Variants in ABCC1 observed in about 807,000 individuals in gnomAD.
The protein encoded by ABCC1 is multidrug resistance-associated protein 1.
Under a neutral mutation model 172.9 loss-of-function variants are expected in ABCC1, and 83 were observed. The observed-to-expected ratio is 0.48, with a 90% confidence interval of 0.40 to 0.58. The LOEUF (loss-of-function observed/expected upper bound fraction) is 0.58. Ranked by LOEUF, ABCC1 falls within the 20% of genes least tolerant of loss-of-function variation. ABCC1 has a pLI of 0.00. For missense variants in ABCC1, 1,817 were observed against 2,002.7 expected (o/e 0.91, Z 1.77); for synonymous variants, 937 against 825.2 (o/e 1.14, Z -2.32).
intron 19 of ABCC1, among the ~76,000 whole-genome samples, chr16:16,092,711 C>T (rs538842566): frequency 6.6e-6 from 1 of 152,092 alleles, no homozygotes; most frequent in Admixed American, 6.6e-5. Flanking sequence ...AGTTGGTGGC[C>T]GGGTGTGGTG....
At chr16:16,104,234 A>G (rs2152065047) in intron 20 of ABCC1, among the ~76,000 whole-genome samples, 1 of 152,280 alleles carries the variant, frequency 6.6e-6, no homozygotes, top group African/African-American at 2.4e-5. Flanking sequence ...GTAGGTGGCC[A>G]CTGCTGGCTC....
At chr16:16,039,069 C>G (rs2048864395) in intron 7 of ABCC1, among the ~76,000 whole-genome samples, 1 of 152,062 alleles carries the variant, frequency 6.6e-6, no homozygotes, top group East Asian at 1.9e-4. Context: ...GAGACACACT[C>G]TAGTTGGGTG....
At chr16:16,036,436 C>G in intron 6 of ABCC1, 36 bp from the exon 7 acceptor site, 1 of 1,590,694 alleles carries the variant, frequency 6.3e-7, no homozygotes, top group Non-Finnish European at 8.6e-7. Context: ...CTGTCATTGA[C>G]TCTCATTGCC....
intron 16 of ABCC1, among the ~76,000 whole-genome samples, chr16:16,082,363 G>T (rs1426985738): frequency 6.6e-6 from 1 of 152,024 alleles, no homozygotes; most frequent in African/African-American, 2.4e-5. Context: ...CAGGAGGATT[G>T]CTTGAGGCCA....
intron 23 of ABCC1, among the ~76,000 whole-genome samples, chr16:16,118,351 G>A (rs1483340335): frequency 1.3e-5 from 2 of 150,678 alleles, no homozygotes; most frequent in Admixed American, 6.6e-5. Context: ...TGATGAGAAC[G>A]AACAGTGATG....
At position 16,134,493 on chromosome 16, in the gene ABCC1, C is replaced by T. The variant is rs1393227080; in HGVS notation, c.4110C>T (p.Ile1370=). The T allele has an allele frequency of 1.2e-6, 2 of 1,614,072 alleles. No individual in the cohort carries two copies. The highest frequency in any genetic ancestry group is 1.7e-6 in the Non-Finnish European group (2 of 1,180,050). Residue 1370 remains isoleucine (I), a synonymous_variant, in exon 28 of 31, where the codon ATC becomes ATT. Coordinates refer to ENST00000399410, the MANE Select transcript of ABCC1 (RefSeq NM_004996.4). ...GCCTGCACGACCTCCGCTTCAAGAT[C>T]ACCATCATCCCCCAGGTGGGGTCTG... is the stretch of plus-strand genomic sequence containing the variant. ...KIGLHDLRFK[I]TIIPQDPVLF...
intron 24 of ABCC1, among the ~76,000 whole-genome samples, chr16:16,124,337 G>GTGTGTGTATGTA (rs10673886): frequency 1.1e-4 from 13 of 122,812 alleles, no homozygotes; most frequent in Non-Finnish European, 1.4e-4. Context: ...GTGTGTGTGT[G>GTGTGTGTATGTA]TGTGTGTGTG....
chr16:16,063,502 A>G (rs773037240), intron 12 of ABCC1, among the ~76,000 whole-genome samples: 12 of 152,216 alleles, frequency 7.9e-5, no homozygotes, highest in Non-Finnish European at 1.6e-4. Context: ...GAATAAATAC[A>G]TGAATGAATG....
chr16:16,113,381 C>T (rs147958573), intron 22 of ABCC1, among the ~76,000 whole-genome samples: 11 of 152,250 alleles, frequency 7.2e-5, no homozygotes, highest in East Asian at 1.9e-4. Context: ...AAACGTTGGG[C>T]GCAGTAGCTC....
At chr16:15,993,216 C>T (rs2046933001) in intron 1 of ABCC1, among the ~76,000 whole-genome samples, 1 of 152,196 alleles carries the variant, frequency 6.6e-6, no homozygotes, top group Non-Finnish European at 1.5e-5. Context: ...GCTCAATAAA[C>T]AGTCATCGAA....
intron 1 of ABCC1, among the ~76,000 whole-genome samples, chr16:15,976,259 C>T (rs949668441): frequency 6.6e-6 from 1 of 152,138 alleles, no homozygotes; most frequent in African/African-American, 2.4e-5. Flanking sequence ...AAGAGCAAAA[C>T]TCTGTCTCAA....
At chr16:16,126,825 A>AT (rs779905117) in intron 26 of ABCC1, among the ~76,000 whole-genome samples, 11 of 152,228 alleles carry the variant, frequency 7.2e-5, no homozygotes, top group Non-Finnish European at 1.3e-4. Flanking sequence ...CAACAAGAGA[A>AT]TGAGTACATG....
chr16:16,026,122 C>CTT lies in ABCC1; in HGVS notation c.616-6986_616-6985dup, dbSNP rs201804780. On this transcript the variant is annotated intron_variant, in intron 5 of 30. Coordinates refer to ENST00000399410, the MANE Select transcript of ABCC1 (RefSeq NM_004996.4). Reference sequence around the variant, plus strand: ...AGTTGTCTTTGTTGTCAAGTAAGGCCTTCCACGTCAGATAGAGGCTGTTTC... The same window carrying CTT: ...AGTTGTCTTTGTTGTCAAGTAAGGCCTTTTCCACGTCAGATAGAGGCTGTTTC... 6.1e-3 allele frequency among the ~76,000 whole-genome samples: 926 copies of CTT among 152,188 alleles called. 8 individuals carry two copies. Among genetic ancestry groups the CTT allele is most frequent in the African/African-American group, 0.021 (881 of 41,530 alleles).
intron 29 of ABCC1, among the ~76,000 whole-genome samples, chr16:16,137,125 T>C (rs2045944174): frequency 6.6e-6 from 1 of 152,208 alleles, no homozygotes; most frequent in Non-Finnish European, 1.5e-5. Flanking sequence ...CTGGTTCTGT[T>C]ATCCGTCTCC....
chr16:16,093,973 T>A (rs918376995), intron 19 of ABCC1, among the ~76,000 whole-genome samples: 2 of 110,822 alleles, frequency 1.8e-5, no homozygotes, highest in Non-Finnish European at 3.7e-5. Context: ...TTTGTCTCCC[T>A]CTCTCCTTTT....
chr16:15,975,723 A>G (rs1490267076), intron 1 of ABCC1, among the ~76,000 whole-genome samples: 5 of 151,544 alleles, frequency 3.3e-5, no homozygotes, highest in Non-Finnish European at 7.4e-5. Context: ...TCTCTGGCTA[A>G]TTTTGAATTT....
intron 21 of ABCC1, among the ~76,000 whole-genome samples, chr16:16,108,044 G>A (rs2052213732): frequency 6.6e-6 from 1 of 152,062 alleles, no homozygotes; most frequent in South Asian, 2.1e-4. Flanking sequence ...AGGGGCAGAG[G>A]TGACTCTGGT....
intron 1 of ABCC1, among the ~76,000 whole-genome samples, chr16:15,971,427 G>T (rs1282313907): frequency 6.6e-6 from 1 of 152,196 alleles, no homozygotes; most frequent in Non-Finnish European, 1.5e-5. Flanking sequence ...AAGGTTGCTG[G>T]CCTGGCTCTA....
intron 22 of ABCC1, among the ~76,000 whole-genome samples, chr16:16,112,074 C>T (rs906469406): frequency 1.3e-5 from 2 of 152,132 alleles, no homozygotes; most frequent in Non-Finnish European, 2.9e-5. Flanking sequence ...TGCTGTTGGC[C>T]AGGCATGGTG....
Sources: gnomAD v4.1 joint callset for allele counts (sites outside exome capture counted in the v4.1 genomes callset) on GRCh38, gnomAD v4.1.1 for gene constraint, MANE v1.5 for transcripts, NCBI Gene and HGNC (gene_info 2026-07-23, HGNC 2026-07-21) for gene names.